Variants in PRPF19 observed in about 807,000 individuals in gnomAD.
PRPF19 encodes pre-mRNA-processing factor 19.
Under a neutral mutation model 64.2 loss-of-function variants are expected in PRPF19, and 2 were observed. The ratio of observed to expected loss-of-function variants is 0.03; its 90% CI spans 0.01 to 0.10. The LOEUF is 0.10. Among genes scored for constraint, PRPF19 ranks in the 10% least tolerant of loss-of-function variants. The probability of loss-of-function intolerance (pLI) is 1.00; values close to 1 mark genes in which losing one functional copy is unlikely to be tolerated. For synonymous variants in PRPF19, 226 were observed against 251.6 expected (o/e 0.90, Z 0.96); for missense variants, 314 against 650.0 (o/e 0.48, Z 5.62).
intron 3 of PRPF19, 132 bp downstream of exon 3, chr11:60,903,327 G>T: frequency 3.0e-6 from 3 of 1,015,648 alleles, no homozygotes; most frequent in East Asian, 2.6e-5. Context: ...ATACAACGAA[G>T]AATAAAACAA....
At chr11:60,897,242 T>C (rs1233804077) in intron 15 of PRPF19, among the ~76,000 whole-genome samples, 2 of 152,230 alleles carry the variant, frequency 1.3e-5, no homozygotes, top group African/African-American at 4.8e-5. Flanking sequence ...TACTTACCAT[T>C]GTGTTATAAT....
chr11:60,903,341 C>A, intron 3 of PRPF19, 118 bp downstream of exon 3: 22 of 1,109,698 alleles, frequency 2.0e-5, no homozygotes, highest in Non-Finnish European at 2.7e-5. Flanking sequence ...AAAACAAATC[C>A]CTGATGTCAC....
At chr11:60,904,559 C>T (rs1195542360) in intron 1 of PRPF19, among the ~76,000 whole-genome samples, 1 of 152,180 alleles carries the variant, frequency 6.6e-6, no homozygotes, top group East Asian at 1.9e-4. Context: ...GTTCCCATGA[C>T]CTCCTTTTTG....
In PRPF19 at chr11:60,902,369, A is replaced by G. The variant is rs1282024275; in HGVS notation, c.525+34T>C. ...GACAGATGGTGAAAAGTAAGGGCCCATCAGCACTCCCACCAGGTGAGAGCA... is the reference window on the plus strand; with the variant it reads ...GACAGATGGTGAAAAGTAAGGGCCCGTCAGCACTCCCACCAGGTGAGAGCA... On this transcript the variant is annotated intron_variant, in intron 6 of 15. Transcript: ENST00000227524. This position sits in a 1 kb window ranked among gnomAD's most constrained non-coding sequence, Gnocchi z 5.0. 3.8e-6 allele frequency: 6 copies of G among 1,599,200 alleles called. No homozygotes were observed. Among genetic ancestry groups the G allele is most frequent in the African/African-American group, 1.3e-5 (1 of 74,602 alleles).
chr11:60,891,803 C>T (rs1287038969), intron 15 of PRPF19, among the ~76,000 whole-genome samples: 1 of 152,200 alleles, frequency 6.6e-6, no homozygotes, highest in African/African-American at 2.4e-5. Flanking sequence ...AAAAAGCTCA[C>T]GCTGTATTTT....
intron 15 of PRPF19, among the ~76,000 whole-genome samples, chr11:60,897,282 G>C (rs1321396673): frequency 6.6e-6 from 1 of 152,134 alleles, no homozygotes; most frequent in African/African-American, 2.4e-5. Context: ...ATGCTGTACC[G>C]GTTTGTAGCC....
intron 8 of PRPF19, 96 bp from the exon 9 acceptor site, chr11:60,901,025 T>C: frequency 7.2e-7 from 1 of 1,391,146 alleles, no homozygotes. Flanking sequence ...TCACCCATGT[T>C]CTCAGGGGAG....
At chr11:60,897,729 G>T in intron 15 of PRPF19, 117 bp downstream of exon 15, 1 of 813,518 alleles carries the variant, frequency 1.2e-6, no homozygotes, top group Non-Finnish European at 2.0e-6. Flanking sequence ...GCCTCAGGTG[G>T]TAACAGAAAG....
In PRPF19 at chr11:60,900,659, T is replaced by C. The variant is rs1363476832; in HGVS notation, c.751A>G (p.Lys251Glu). Residue 251 changes from lysine to glutamate, a missense_variant, in exon 10 of 16, where the codon AAA (lysine) becomes GAA (glutamate). By Grantham distance (56) the Lys-to-Glu change is moderately conservative. Coordinates refer to ENST00000227524, the MANE Select transcript of PRPF19 (RefSeq NM_014502.5). ...GTAGCCAGGATTTGTTCAGAACTTT[T>C]GTCAAACACAACGACATTTTTATCC... is the stretch of plus-strand genomic sequence containing the variant. ...GADKNVVVFD[K>E]SSEQILATLK... is the part of the protein sequence containing the mutation. 6.4e-7 allele frequency: 1 copy of C among 1,559,424 alleles called. No individual in the cohort carries two copies. The highest frequency in any genetic ancestry group is 8.7e-7 in the Non-Finnish European group (1 of 1,150,208).
chr11:60,890,835 T>A lies in PRPF19; in HGVS notation c.*331A>T, dbSNP rs1855848230. The stretch of plus-strand genomic sequence containing the variant: ...TTCCCTTGGCTCAGCCTCTCCTGTC[T>A]CACAGGAACTGCAACAAAATGGGTG... On this transcript the variant is annotated 3_prime_UTR_variant, in exon 16 of 16. Coordinates refer to ENST00000227524, the MANE Select transcript of PRPF19 (RefSeq NM_014502.5). 3 of 495,280 alleles carry A rather than the reference T, an allele frequency of 6.1e-6. No homozygotes were observed. The highest frequency in any genetic ancestry group is 1.2e-5 in the Non-Finnish European group (3 of 252,804). The allele number at this position is 495,280 out of a possible 1,614,324, so 30.7% of individuals were successfully genotyped here.
Position 60,898,203 on chromosome 11 carries a change from A to G in PRPF19, c.1209T>C (p.Asn403=), listed in dbSNP as rs1258075644. 1 of 1,614,218 alleles carries G rather than the reference A, an allele frequency of 6.2e-7. No individual in the cohort carries two copies. The highest frequency in any genetic ancestry group is 1.7e-5 in the Admixed American group (1 of 60,020). ...GPITSIAFSE[N]GYYLATAADD... is the part of the protein sequence containing the mutation. ...CAGCCGCTGTAGCCAGGTAGTAACC[A>G]TTCTCAGAGAAGGCGATGCTAGTGA... Residue 403 remains asparagine (N), a synonymous_variant, in exon 14 of 16, where the codon AAT becomes AAC. Transcript: ENST00000227524. The surrounding 1 kb of genome is among the most constrained non-coding windows in gnomAD (Gnocchi z 4.6).
chr11:60,901,904 G>A (rs1378958554), intron 6 of PRPF19, among the ~76,000 whole-genome samples: 2 of 152,172 alleles, frequency 1.3e-5, no homozygotes, highest in Non-Finnish European at 2.9e-5. Context: ...TGCTCAGAAA[G>A]ACACTAAGAA....
At chr11:60,892,394 G>A (rs866337801) in intron 15 of PRPF19, among the ~76,000 whole-genome samples, 1 of 152,220 alleles carries the variant, frequency 6.6e-6, no homozygotes, top group Non-Finnish European at 1.5e-5. Flanking sequence ...AATGCTGAGT[G>A]AGAACAACTG....
Position 60,899,249 on chromosome 11 carries a change from T to G in PRPF19, c.884A>C (p.Asn295Thr). The G allele has an allele frequency of 1.2e-6, 2 of 1,613,810 alleles. No homozygotes were observed. The highest frequency in any genetic ancestry group is 1.7e-6 in the Non-Finnish European group (2 of 1,179,722). Reference sequence around the variant, plus strand: ...CCGAACCACCTGTACACAAGAGGCATTGGGGACCGACCAAATCCTGATAGT... The same window carrying G: ...CCGAACCACCTGTACACAAGAGGCAGTGGGGACCGACCAAATCCTGATAGT... ...DATIRIWSVP[N>T]ASCVQVVRAH... The change falls in exon 11 of 16, where the codon AAT (asparagine) becomes ACT (threonine). Residue 295 changes from asparagine (N) to threonine (T), a missense_variant. Asn to Thr is a moderately conservative substitution (Grantham distance 65). Around this residue, in one of 7 missense-constraint regions of PRPF19, gnomAD observed 175 missense variants for 342.9 expected, o/e 0.51. Coordinates refer to ENST00000227524, the MANE Select transcript of PRPF19 (RefSeq NM_014502.5).
At chr11:60,894,900 C>G (rs1239272952) in intron 15 of PRPF19, among the ~76,000 whole-genome samples, 1 of 152,212 alleles carries the variant, frequency 6.6e-6, no homozygotes, top group African/African-American at 2.4e-5. Context: ...TGAAAGGAAT[C>G]TATTTTTCTG....
rs1855848597 is a variant in PRPF19, at chr11:60,890,861, T to A, written c.*305A>T. 3 of 528,468 alleles carry A rather than the reference T, an allele frequency of 5.7e-6. No homozygotes were observed. Among genetic ancestry groups the A allele is most frequent in the Admixed American group, 2.2e-5 (1 of 44,656 alleles). The allele number at this position is 528,468 out of a possible 1,614,324, so 32.7% of individuals were successfully genotyped here. A position where few individuals can be genotyped will look rare whatever the true frequency, so the allele number is the denominator to read the frequency against. On this transcript the variant is annotated 3_prime_UTR_variant, in exon 16 of 16. Transcript: ENST00000227524. ...CACAGGAACTGCAACAAAATGGGTG[T>A]GGAACAGCCACCACCACGTCCATTG...
intron 1 of PRPF19, among the ~76,000 whole-genome samples, chr11:60,905,147 C>A (rs1419453630): frequency 3.9e-5 from 6 of 152,184 alleles, no homozygotes; most frequent in African/African-American, 7.2e-5. Context: ...CACAACAACC[C>A]GCAATAGAGG....
chr11:60,893,851 G>A (rs747528057), intron 15 of PRPF19, among the ~76,000 whole-genome samples: 1 of 152,068 alleles, frequency 6.6e-6, no homozygotes, highest in Non-Finnish European at 1.5e-5. Flanking sequence ...CCTGGGAGGT[G>A]GAGGTTGCAT....
intron 15 of PRPF19, among the ~76,000 whole-genome samples, chr11:60,897,158 C>A (rs772009804): frequency 6.6e-6 from 1 of 152,162 alleles, no homozygotes; most frequent in Non-Finnish European, 1.5e-5. Context: ...TACCAGTGTA[C>A]CATTTTAAAA....
Sources: allele counts gnomAD v4.1 joint callset (sites outside exome capture counted in the v4.1 genomes callset), GRCh38; gene constraint gnomAD v4.1.1; regional missense constraint gnomAD v4.1.1; non-coding constraint Gnocchi (gnomAD v3.1); transcripts MANE v1.5; gene names NCBI Gene and HGNC (gene_info 2026-07-23, HGNC 2026-07-21).